The following GSK3B variants were observed in gnomAD, a reference collection of about 807,000 sequenced individuals.
The protein encoded by GSK3B is glycogen synthase kinase 3 beta.
In GSK3B, 15 loss-of-function variants were observed where a neutral mutation model predicts 56.4. The ratio of observed to expected loss-of-function variants is 0.27; its 90% CI spans 0.18 to 0.41. The LOEUF (loss-of-function observed/expected upper bound fraction) is 0.41, where lower values mean the gene tolerates loss of function less well. Ranked by LOEUF, GSK3B falls within the 10% of genes least tolerant of loss-of-function variation. The pLI, the probability that GSK3B is intolerant of heterozygous loss-of-function variation, is 1.00. For synonymous variants in GSK3B, 181 were observed against 188.9 expected, an observed-to-expected ratio of 0.96 and a Z score of 0.34; for missense variants, 300 against 513.4, an observed-to-expected ratio of 0.58 and a Z score of 4.02.
rs200768845 is a variant in GSK3B, at chr3:119,916,069, C to T, written c.583G>A (p.Val195Ile). ...QNLLLDPDTA[V>I]LKLCDFGSAK... ...CTTCCAAAGTCACAGAGTTTTAATA[C>T]AGCAGTATCAGGATCCAACAAGAGG... is the stretch of plus-strand genomic sequence containing the variant. The change falls in exon 5 of 11, where the codon GTA (valine) becomes ATA (isoleucine). Residue 195 changes from valine (V) to isoleucine (I), a missense_variant. Coordinates refer to ENST00000264235, the MANE Select transcript of GSK3B (RefSeq NM_001146156.2). 8.1e-6 allele frequency: 13 copies of T among 1,612,946 alleles called. No individual in the cohort carries two copies. The South Asian group carries it at 1.4e-4, about 18-fold the overall frequency.
intron 2 of GSK3B, among the ~76,000 whole-genome samples, chr3:119,962,285 GAA>G (rs1232533896): frequency 6.6e-6 from 1 of 151,060 alleles, no homozygotes; most frequent in African/African-American, 2.4e-5. Flanking sequence ...TGAGGCAGGA[GAA>G]TCGCTTGAAC....
intron 1 of GSK3B, among the ~76,000 whole-genome samples, chr3:120,017,358 TAGTGAC>T (rs2057835955): frequency 6.6e-6 from 1 of 152,210 alleles, no homozygotes; most frequent in Non-Finnish European, 1.5e-5. Flanking sequence ...CTGTAATCTT[TAGTGAC>T]AGTAATACCA....
At chr3:120,056,043 G>A (rs1342773196) in intron 1 of GSK3B, among the ~76,000 whole-genome samples, 3 of 152,108 alleles carry the variant, frequency 2.0e-5, no homozygotes, top group Non-Finnish European at 4.4e-5. Context: ...AACTTTTCCA[G>A]AGGGTACACA....
At chr3:119,853,606 G>C (rs995694225) in intron 9 of GSK3B, among the ~76,000 whole-genome samples, 1 of 152,164 alleles carries the variant, frequency 6.6e-6, no homozygotes, top group African/African-American at 2.4e-5. Flanking sequence ...TTGAGCAGTG[G>C]TTTGTAGTTC....
intron 1 of GSK3B, among the ~76,000 whole-genome samples, chr3:120,077,749 T>C (rs1016722985): frequency 6.6e-5 from 10 of 152,144 alleles, no homozygotes; most frequent in Admixed American, 4.6e-4. Flanking sequence ...ATTAACATCA[T>C]GTTGTATATC....
At chr3:120,002,364 G>A (rs1386096335) in intron 1 of GSK3B, 125 bp from the exon 2 acceptor site, 8 of 446,504 alleles carry the variant, frequency 1.8e-5, no homozygotes, top group Non-Finnish European at 3.0e-5. Flanking sequence ...TTGAGATGGA[G>A]TCTCACTCTT....
intron 1 of GSK3B, among the ~76,000 whole-genome samples, chr3:120,068,061 T>C (rs1011054982): frequency 3.3e-5 from 5 of 152,172 alleles, no homozygotes; most frequent in African/African-American, 1.2e-4. Flanking sequence ...ACAAATAGTA[T>C]TTTCCAAAAA....
intron 1 of GSK3B, among the ~76,000 whole-genome samples, chr3:120,031,643 T>C (rs2057976816): frequency 1.3e-5 from 2 of 152,298 alleles, no homozygotes; most frequent in South Asian, 4.1e-4. Flanking sequence ...ACAAACCAAT[T>C]TTACTTACTC....
chr3:119,903,650 G>A (rs1300754383), intron 7 of GSK3B, among the ~76,000 whole-genome samples: 2 of 152,176 alleles, frequency 1.3e-5, no homozygotes, highest in African/African-American at 4.8e-5. Flanking sequence ...CGGCAAGCAT[G>A]AGATAGGGAA....
chr3:119,863,640 T>G, intron 8 of GSK3B, 35 bp from the exon 9 acceptor site: 1 of 1,365,264 alleles, frequency 7.3e-7, no homozygotes, highest in East Asian at 2.3e-5. Flanking sequence ...ACAATTAATG[T>G]TTTATTTTAA....
At chr3:119,932,277 A>G (rs551795011) in intron 3 of GSK3B, among the ~76,000 whole-genome samples, 1 of 152,206 alleles carries the variant, frequency 6.6e-6, no homozygotes, top group Admixed American at 6.5e-5. Context: ...ACTGGCAAAA[A>G]TCTCCAAAAT....
intron 2 of GSK3B, among the ~76,000 whole-genome samples, chr3:120,000,057 G>C (rs910758295): frequency 6.6e-6 from 1 of 152,128 alleles, no homozygotes; most frequent in Non-Finnish European, 1.5e-5. Flanking sequence ...GTTTATAAGT[G>C]GTTAAGCCAA....
At chr3:119,878,492 T>G (rs1052303460) in intron 7 of GSK3B, among the ~76,000 whole-genome samples, 1 of 152,140 alleles carries the variant, frequency 6.6e-6, no homozygotes, top group East Asian at 1.9e-4. Flanking sequence ...CAACTGAAGC[T>G]CTCACCATTG....
Position 119,824,081 on chromosome 3 carries a change from A to T in GSK3B, c.*2707T>A, listed in dbSNP as rs1266058463. ...TACATTTTGTCTGATTATTAAACAG[A>T]ATCACTGCCCTGAACAGTAACTTTT... On this transcript the variant is annotated 3_prime_UTR_variant, in exon 11 of 11. Transcript: ENST00000264235. 4.9e-6 allele frequency: 1 copy of T among 203,136 alleles called. No individual in the cohort carries two copies. Among genetic ancestry groups the T allele is most frequent in the African/African-American group, 2.3e-5 (1 of 43,714 alleles). 12.6% of individuals were successfully genotyped at this position (203,136 alleles called of 1,614,324 possible). A position where few individuals can be genotyped will look rare whatever the true frequency, so the allele number is the denominator to read the frequency against.
At chr3:119,831,690 A>C (rs2055602776) in intron 10 of GSK3B, among the ~76,000 whole-genome samples, 1 of 151,980 alleles carries the variant, frequency 6.6e-6, no homozygotes, top group Non-Finnish European at 1.5e-5. Flanking sequence ...GAGTGAGTTT[A>C]TGATAAGAAA....
intron 2 of GSK3B, among the ~76,000 whole-genome samples, chr3:119,991,510 C>CAAAAAAAAAAAAA: frequency 1.3e-5 from 1 of 78,942 alleles, no homozygotes; most frequent in Non-Finnish European, 2.6e-5. Flanking sequence ...TACTATTCAC[C>CAAAAAAAAAAAAA]AAAAAAAAAA....
intron 2 of GSK3B, among the ~76,000 whole-genome samples, chr3:119,978,819 G>A (rs773365347): frequency 1.3e-5 from 2 of 152,180 alleles, no homozygotes. Context: ...CCCAGGAAAA[G>A]TCAGGTCAGC....
rs556897811 is a variant in GSK3B at position 119,990,119 on chromosome 3, A to G, written c.282+11927T>C. 1.1e-4 allele frequency among the ~76,000 whole-genome samples: 16 copies of G among 152,290 alleles called. No individual in the cohort carries two copies. In the East Asian group the frequency reaches 3.1e-3, roughly 29 times the overall value. The stretch of plus-strand genomic sequence containing the variant: ...TAAACCACAAATAACATCTCCAACC[A>G]GAAACATTCCAAACTCCTCCCTGAC... On this transcript the variant is annotated intron_variant, in intron 2 of 10. Transcript: ENST00000264235.
chr3:119,835,630 C>T (rs1478342595), intron 10 of GSK3B, among the ~76,000 whole-genome samples: 1 of 151,990 alleles, frequency 6.6e-6, no homozygotes, highest in Non-Finnish European at 1.5e-5. Context: ...CCTAAAATAA[C>T]TATACACTAT....
Sources: gnomAD v4.1 joint callset for allele counts (sites outside exome capture counted in the v4.1 genomes callset) on GRCh38, gnomAD v4.1.1 for gene constraint, MANE v1.5 for transcripts, NCBI Gene and HGNC (gene_info 2026-07-23, HGNC 2026-07-21) for gene names.